CHPT1: variants seen among roughly 807,000 people sequenced by gnomAD.
CHPT1 encodes the protein cholinephosphotransferase 1.
A neutral mutation model predicts 47.6 loss-of-function variants in CHPT1; 36 were observed. The ratio of observed to expected loss-of-function variants is 0.76; its 90% CI spans 0.58 to 1.00. The LOEUF is 1.00. Ranked by LOEUF, CHPT1 falls within the 50% of genes least tolerant of loss-of-function variation. CHPT1 has a pLI of 0.00. For missense variants in CHPT1, 458 were observed against 498.1 expected (o/e 0.92, Z 0.77); for synonymous variants, 194 against 186.3 (o/e 1.04, Z -0.33).
intron 1 of CHPT1, among the ~76,000 whole-genome samples, chr12:101,709,107 C>G (rs1472560879): frequency 6.7e-6 from 1 of 148,496 alleles, no homozygotes; most frequent in African/African-American, 2.4e-5. Context: ...CATGAAGAGT[C>G]TCTTCTGGCT....
chr12:101,706,298 G>A (rs1024549232), intron 1 of CHPT1, among the ~76,000 whole-genome samples: 2 of 150,728 alleles, frequency 1.3e-5, no homozygotes, highest in Admixed American at 6.6e-5. Context: ...TGCAGTGAGC[G>A]AAGATTACAC....
chr12:101,714,475 T>G (rs1441425925), intron 2 of CHPT1, 29 bp from the exon 3 acceptor site: 1 of 1,564,950 alleles, frequency 6.4e-7, no homozygotes, highest in Admixed American at 2.0e-5. Context: ...TTTTAATTCT[T>G]AATGATTCTT....
chr12:101,715,716 A>T (rs1951754625), intron 3 of CHPT1, among the ~76,000 whole-genome samples: 1 of 152,174 alleles, frequency 6.6e-6, no homozygotes. Context: ...AGTTTTAAGT[A>T]TAGATAAAAT....
intron 4 of CHPT1, chr12:101,717,228 T>C (rs1951777285): frequency 2.2e-6 from 1 of 445,286 alleles, no homozygotes; most frequent in Non-Finnish European, 4.5e-6. Flanking sequence ...TTTTATAATC[T>C]ACTTTGAGGT....
At chr12:101,704,722 AT>A (rs1487945796) in intron 1 of CHPT1, among the ~76,000 whole-genome samples, 1 of 125,360 alleles carries the variant, frequency 8.0e-6, no homozygotes, top group Non-Finnish European at 1.6e-5. Flanking sequence ...AATACATTAA[AT>A]TTTTTCAAAA....
Position 101,722,896 on chromosome 12 carries a change from A to G in CHPT1, c.781-272A>G, listed in dbSNP as rs576499809. On this transcript the variant is annotated intron_variant, in intron 5 of 8. Coordinates refer to ENST00000229266, the MANE Select transcript of CHPT1 (RefSeq NM_020244.3). ...TGCCTTCGATGTAGTAAAAGTTGAT[A>G]TAGAATAAACTGCATTAATTTTTAG... is the stretch of plus-strand genomic sequence containing the variant. 3.9e-5 allele frequency among the ~76,000 whole-genome samples: 6 copies of G among 152,250 alleles called. No individual in the cohort carries two copies. The South Asian group carries it at 1.0e-3, about 26-fold the overall frequency.
chr12:101,723,265 A>G lies in CHPT1; in HGVS notation c.878A>G (p.His293Arg), dbSNP rs753885902. ...KKSATDVFEK[H>R]PCLYILMFGC... ...TCAGCAACTGATGTGTTTGAAAAGCATCCTTGTCTTTATATCCTAATGTTT... is the reference window on the plus strand; with the variant it reads ...TCAGCAACTGATGTGTTTGAAAAGCGTCCTTGTCTTTATATCCTAATGTTT... Residue 293 changes from histidine (H) to arginine (R), a missense_variant, in exon 6 of 9, where the codon CAT (histidine) becomes CGT (arginine). Transcript: ENST00000229266. 6.2e-7 allele frequency: 1 copy of G among 1,612,678 alleles called. No homozygotes were observed. Among genetic ancestry groups the G allele is most frequent in the Non-Finnish European group, 8.5e-7 (1 of 1,178,866 alleles).
chr12:101,715,461 T>C (rs561668163), intron 3 of CHPT1, among the ~76,000 whole-genome samples: 16 of 152,312 alleles, frequency 1.1e-4, no homozygotes, highest in Admixed American at 7.8e-4. Context: ...GATTCTCAAT[T>C]ATGGAATAAT....
chr12:101,726,159 A>AAAG, intron 7 of CHPT1, 135 bp from the exon 8 acceptor site: 1 of 631,842 alleles, frequency 1.6e-6, no homozygotes, highest in Non-Finnish European at 2.8e-6. Flanking sequence ...GAAATGTATT[A>AAAG]AAGTGCTTTA....
At chr12:101,719,511 C>G in intron 4 of CHPT1, 1 of 1,281,090 alleles carries the variant, frequency 7.8e-7, no homozygotes, top group Non-Finnish European at 1.0e-6. Flanking sequence ...AGCAGTTGAC[C>G]AACAGGTAAA....
At chr12:101,703,332 A>C (rs1951581190) in intron 1 of CHPT1, among the ~76,000 whole-genome samples, 1 of 152,196 alleles carries the variant, frequency 6.6e-6, no homozygotes, top group Non-Finnish European at 1.5e-5. Context: ...ATAAGTATTA[A>C]AGAAGAAAGA....
chr12:101,716,634 T>A, intron 3 of CHPT1, 94 bp from the exon 4 acceptor site: 1 of 699,374 alleles, frequency 1.4e-6, no homozygotes, highest in Non-Finnish European at 2.4e-6. Flanking sequence ...CCTACAGAGA[T>A]TTTTACATCT....
intron 8 of CHPT1, 71 bp from the exon 9 acceptor site, chr12:101,728,830 T>C: frequency 6.4e-7 from 1 of 1,555,180 alleles, no homozygotes; most frequent in Non-Finnish European, 8.8e-7. Context: ...TTAAAGATGT[T>C]ACAATTAAAC....
At chr12:101,716,898 C>T in intron 4 of CHPT1, 86 bp downstream of exon 4, 1 of 798,460 alleles carries the variant, frequency 1.3e-6, no homozygotes, top group Non-Finnish European at 1.9e-6. Context: ...TTCAAAAATC[C>T]TTGGCATTGT....
At chr12:101,706,622 T>A (rs1026691951) in intron 1 of CHPT1, among the ~76,000 whole-genome samples, 2 of 152,182 alleles carry the variant, frequency 1.3e-5, no homozygotes, top group Admixed American at 6.5e-5. Flanking sequence ...AGTGCCATGC[T>A]CTTGGGCTTC....
In CHPT1 at chr12:101,726,366, A is replaced by G. The variant is rs1406660121; in HGVS notation, c.1138A>G (p.Asn380Asp). ...GCAAATTTCAAGACACCTTCATCTA[A>G]ATATATTCAAGACTGCATGTCATCA... Reference protein sequence around the residue: ...CLQISRHLHLNIFKTACHQAP... With the variant: ...CLQISRHLHLDIFKTACHQAP... Residue 380 changes from asparagine to aspartate, a missense_variant, in exon 8 of 9, where the codon AAT becomes GAT. Asn to Asp is a conservative substitution (Grantham distance 23). Transcript: ENST00000229266. The G allele has an allele frequency of 1.9e-6, 3 of 1,613,264 alleles. No homozygotes were observed. In the Admixed American group the frequency reaches 5.0e-5, roughly 27 times the overall value.
At chr12:101,717,427 CT>C (rs1951781014) in intron 4 of CHPT1, 1 of 378,064 alleles carries the variant, frequency 2.6e-6, no homozygotes, top group Admixed American at 3.3e-5. Flanking sequence ...CTGACTCACA[CT>C]TTCTGCTCAT....
At chr12:101,702,448 A>G (rs1397442276) in intron 1 of CHPT1, among the ~76,000 whole-genome samples, 1 of 152,242 alleles carries the variant, frequency 6.6e-6, no homozygotes, top group East Asian at 1.9e-4. Flanking sequence ...ATACCTGAGC[A>G]TGCCAGAAAC....
chr12:101,699,359 A>G (rs1251487511), intron 1 of CHPT1, among the ~76,000 whole-genome samples: 2 of 145,802 alleles, frequency 1.4e-5, no homozygotes, highest in Admixed American at 1.4e-4. Flanking sequence ...TATCTTGTCA[A>G]TGGATTGGTA....
Sources: gnomAD v4.1 joint callset for allele counts (sites outside exome capture counted in the v4.1 genomes callset) on GRCh38, gnomAD v4.1.1 for gene constraint, MANE v1.5 for transcripts, NCBI Gene and HGNC (gene_info 2026-07-23, HGNC 2026-07-21) for gene names.